The following ALOX5AP variants were observed in gnomAD, a reference collection of about 807,000 sequenced individuals.
The protein encoded by ALOX5AP is arachidonate 5-lipoxygenase activating protein.
Under a neutral mutation model 18.5 loss-of-function variants are expected in ALOX5AP, and 9 were observed. The ratio of observed to expected loss-of-function variants is 0.49; its 90% CI spans 0.29 to 0.85. The LOEUF is 0.85. Ranked by LOEUF, ALOX5AP falls within the 40% of genes least tolerant of loss-of-function variation. The pLI, the probability that ALOX5AP is intolerant of heterozygous loss-of-function variation, is 0.08. For missense variants in ALOX5AP, 172 were observed against 202.5 expected (o/e 0.85, Z 0.91); for synonymous variants, 81 against 78.6 (o/e 1.03, Z -0.16).
intron 4 of ALOX5AP, among the ~76,000 whole-genome samples, chr13:30,763,399 G>T (rs1400876817): frequency 6.6e-6 from 1 of 152,200 alleles, no homozygotes; most frequent in Non-Finnish European, 1.5e-5. Flanking sequence ...ATTGCTGGGT[G>T]CCCAGGTCTC....
intron 1 of ALOX5AP, among the ~76,000 whole-genome samples, chr13:30,725,515 T>C (rs1341978931): frequency 6.6e-6 from 1 of 152,242 alleles, no homozygotes; most frequent in Non-Finnish European, 1.5e-5. Flanking sequence ...GCTCCAGCCA[T>C]TGCTGAGTGC....
chr13:30,721,400 C>G (rs1041763831), intron 1 of ALOX5AP, among the ~76,000 whole-genome samples: 1 of 152,206 alleles, frequency 6.6e-6, no homozygotes, highest in African/African-American at 2.4e-5. Context: ...AGGGACTTCT[C>G]AGGCAGTGGC....
At chr13:30,717,209 G>A (rs890824462) in intron 1 of ALOX5AP, among the ~76,000 whole-genome samples, 4 of 152,210 alleles carry the variant, frequency 2.6e-5, no homozygotes, top group Admixed American at 2.6e-4. Flanking sequence ...AGAAGCTGAG[G>A]GCAGAAGCCA....
At chr13:30,740,127 G>A (rs9508832) in intron 1 of ALOX5AP, among the ~76,000 whole-genome samples, 47,031 of 152,082 alleles carry the variant, frequency 0.31, 9,120 homozygotes, top group Non-Finnish European at 0.43. Flanking sequence ...GAACACCTAT[G>A]CAGATAGGTG....
intron 1 of ALOX5AP, among the ~76,000 whole-genome samples, chr13:30,742,859 G>GCCCCCCCCCCCCC (rs11316477): frequency 6.6e-4 from 70 of 105,960 alleles, no homozygotes; most frequent in Admixed American, 9.5e-4. Context: ...GACCTTCACC[G>GCCCCCCCCCCCCC]CCCCCCCCCC....
intron 1 of ALOX5AP, among the ~76,000 whole-genome samples, chr13:30,724,879 C>T (rs1480177377): frequency 2.6e-5 from 4 of 152,188 alleles, no homozygotes; most frequent in Non-Finnish European, 4.4e-5. Flanking sequence ...AGGCGCTTGG[C>T]CTGGCCAGTA....
At chr13:30,735,363 G>C, upstream of ALOX5AP, 1 of 733,440 alleles carries the variant, frequency 1.4e-6, no homozygotes, top group Non-Finnish European at 2.1e-6. Context: ...GGCTTTGCGT[G>C]CTCCTCTGCC....
intron 2 of ALOX5AP, among the ~76,000 whole-genome samples, chr13:30,750,179 C>T (rs752029268): frequency 2.6e-5 from 4 of 152,148 alleles, no homozygotes. Flanking sequence ...CGAGAGCATG[C>T]CTGGAGAACT....
At chr13:30,763,763 T>C (rs1951965673) in intron 4 of ALOX5AP, among the ~76,000 whole-genome samples, 181 bp from the exon 5 acceptor site, 2 of 152,170 alleles carry the variant, frequency 1.3e-5, no homozygotes, top group African/African-American at 4.8e-5. Flanking sequence ...ATAAGTTCAA[T>C]GACTAGTAAT....
At chr13:30,755,328 T>C (rs533512354) in intron 3 of ALOX5AP, among the ~76,000 whole-genome samples, 1 of 152,188 alleles carries the variant, frequency 6.6e-6, no homozygotes, top group Non-Finnish European at 1.5e-5. Flanking sequence ...GGTGTACTTT[T>C]AAGAGAACCA....
chr13:30,759,986 G>T (rs558536336), intron 4 of ALOX5AP, among the ~76,000 whole-genome samples: 1 of 152,122 alleles, frequency 6.6e-6, no homozygotes, highest in Non-Finnish European at 1.5e-5. Flanking sequence ...TTTGGGAATC[G>T]CTGAAGGCTG....
At chr13:30,714,807 A>G (rs1263362430) in intron 1 of ALOX5AP, among the ~76,000 whole-genome samples, 1 of 152,126 alleles carries the variant, frequency 6.6e-6, no homozygotes, top group Non-Finnish European at 1.5e-5. Flanking sequence ...GACTTTACTT[A>G]GCTTACAGCC....
At chr13:30,726,733 T>C (rs1951642281) in intron 1 of ALOX5AP, among the ~76,000 whole-genome samples, 1 of 152,224 alleles carries the variant, frequency 6.6e-6, no homozygotes, top group South Asian at 2.1e-4. Context: ...GCTCTCGCCA[T>C]GTTGCCCAGG....
rs372030223 is a variant in ALOX5AP, at chr13:30,744,124, C to T, written c.135C>T (p.Thr45=). Residue 45 remains threonine, a synonymous_variant, in exon 2 of 5, where the codon ACC becomes ACT. Coordinates refer to ENST00000380490, the MANE Select transcript of ALOX5AP (RefSeq NM_001629.4). ...RTQNGRSFQR[T]GTLAFERVYT... ...AGAATGGGAGGAGCTTCCAGAGGAC[C>T]GGAACACTTGCCTTTGAGCGGGTCT... The T allele has an allele frequency of 4.0e-5, 64 of 1,613,852 alleles. No individual in the cohort carries two copies. The Middle Eastern group carries it at 4.9e-4, about 12-fold the overall frequency.
At position 30,723,540 on chromosome 13, in the gene ALOX5AP, C is replaced by T. The variant is rs995020349; in HGVS notation, c.116+9699C>T. On this transcript the variant is annotated intron_variant, in intron 1 of 5. Transcript: ENST00000617770. ...TGACTTGGCTCTAAAGGAAGCATTG[C>T]GTGTCTGTGTAAAAAGAATGGGTGA... 2.6e-5 allele frequency among the ~76,000 whole-genome samples: 4 copies of T among 152,118 alleles called. No homozygotes were observed. In the East Asian group the frequency reaches 5.8e-4, roughly 22 times the overall value.
At chr13:30,739,351 C>T (rs532939353) in intron 1 of ALOX5AP, among the ~76,000 whole-genome samples, 30 of 152,286 alleles carry the variant, frequency 2.0e-4, no homozygotes, top group African/African-American at 7.0e-4. Flanking sequence ...CTATTTTGTT[C>T]CCTGCTTTAT....
At chr13:30,755,792 G>T in intron 3 of ALOX5AP, 152 bp from the exon 4 acceptor site, 1 of 677,186 alleles carries the variant, frequency 1.5e-6, no homozygotes, top group Non-Finnish European at 2.6e-6. Context: ...GTATTAGGAA[G>T]GTTCTCAGGT....
Position 30,762,596 on chromosome 13 carries a change from A to AAAAAG in ALOX5AP, c.324-1338_324-1334dup, listed in dbSNP as rs1555257001. On this transcript the variant is annotated intron_variant, in intron 4 of 4. Transcript: ENST00000380490. ...GAGCTTGACTCAGTCTCAAAAAAAA[A>AAAAAG]AAAAGAAAAGAAAAAGAAAAATTAT... Among the ~76,000 whole-genome samples the AAAAAG allele has an allele frequency of 6.9e-3, 1,051 of 151,690 alleles. 16 individuals carry two copies. The highest frequency in any genetic ancestry group is 0.024 in the African/African-American group (987 of 41,226).
intron 1 of ALOX5AP, among the ~76,000 whole-genome samples, chr13:30,716,512 T>C (rs1026562209): frequency 1.3e-5 from 2 of 152,200 alleles, no homozygotes; most frequent in Non-Finnish European, 2.9e-5. Context: ...GTATGAACAT[T>C]AGCTTTTGAG....
Sources: allele counts gnomAD v4.1 joint callset (sites outside exome capture counted in the v4.1 genomes callset), GRCh38; gene constraint gnomAD v4.1.1; transcripts MANE v1.5; gene names NCBI Gene and HGNC (gene_info 2026-07-23, HGNC 2026-07-21).